Variants in TIPARP observed in about 807,000 individuals in gnomAD.
TIPARP encodes the protein TCDD inducible poly(ADP-ribose) polymerase, also known as protein mono-ADP-ribosyltransferase TIPARP.
TIPARP carries 12 observed loss-of-function variants against 56.5 expected under a neutral mutation model. That is an observed-to-expected ratio of 0.21 (90% confidence interval 0.14 to 0.34). The LOEUF (loss-of-function observed/expected upper bound fraction) is 0.34, where lower values mean the gene tolerates loss of function less well. TIPARP is among the 10% of genes least tolerant of loss of function. The probability of loss-of-function intolerance (pLI) is 1.00; values close to 1 mark genes in which losing one functional copy is unlikely to be tolerated. For synonymous variants in TIPARP, 296 were observed against 265.7 expected, an observed-to-expected ratio of 1.11 and a Z score of -1.11; for missense variants, 604 against 781.6, an observed-to-expected ratio of 0.77 and a Z score of 2.71.
At chr3:156,694,559 T>A (rs1722662260) in intron 3 of TIPARP, among the ~76,000 whole-genome samples, 1 of 152,206 alleles carries the variant, frequency 6.6e-6, no homozygotes, top group Non-Finnish European at 1.5e-5. Context: ...GGAGATTGGA[T>A]CAAGTGTTAC....
intron 2 of TIPARP, among the ~76,000 whole-genome samples, chr3:156,685,460 G>C (rs1463029832): frequency 6.6e-6 from 1 of 152,254 alleles, no homozygotes; most frequent in African/African-American, 2.4e-5. Flanking sequence ...ACAAAAAGTT[G>C]TGTAAGGAGT....
chr3:156,679,629 C>T (rs1577033885), intron 2 of TIPARP, among the ~76,000 whole-genome samples: 1 of 152,128 alleles, frequency 6.6e-6, no homozygotes, highest in Admixed American at 6.5e-5. Flanking sequence ...TTGGGGAGGC[C>T]ATGAAGGCAA....
intron 1 of TIPARP, among the ~76,000 whole-genome samples, chr3:156,675,945 G>A (rs1297314504): frequency 3.9e-5 from 6 of 152,216 alleles, no homozygotes; most frequent in African/African-American, 9.6e-5. Flanking sequence ...TTGTTTCCGA[G>A]TTTGATGAAA....
At position 156,703,568 on chromosome 3, in the gene TIPARP, A is replaced by G. The variant is rs755772516; in HGVS notation, c.1392A>G (p.Gln464=). The G allele has an allele frequency of 6.2e-7, 1 of 1,614,240 alleles. No individual in the cohort carries two copies. The highest frequency in any genetic ancestry group is 8.5e-7 in the Non-Finnish European group (1 of 1,180,044). ...TGCATCCATCTCAGGACTTCATCCAAGTCCCTGTTTCTGCAGAGGATAAAA... is the reference window on the plus strand; with the variant it reads ...TGCATCCATCTCAGGACTTCATCCAGGTCCCTGTTTCTGCAGAGGATAAAA... ...VYMHPSQDFI[Q]VPVSAEDKSY... Residue 464 remains glutamine, a synonymous_variant, in exon 5 of 6, where the codon CAA becomes CAG. Coordinates refer to ENST00000295924, the MANE Select transcript of TIPARP (RefSeq NM_015508.5).
intron 5 of TIPARP, among the ~76,000 whole-genome samples, 167 bp downstream of exon 5, chr3:156,703,869 T>C (rs1722912446): frequency 6.6e-6 from 1 of 151,886 alleles, no homozygotes; most frequent in Non-Finnish European, 1.5e-5. Context: ...AAAAATTAGC[T>C]GGGCGTGGTG....
rs112709851 is a variant in TIPARP, at chr3:156,695,844, G to C, written c.1087-21G>C. On this transcript the variant is annotated intron_variant, in intron 3 of 5. Coordinates refer to ENST00000295924, the MANE Select transcript of TIPARP (RefSeq NM_015508.5). Reference sequence around the variant, plus strand: ...AACTTTCCTTTTTTTTTTTTTTTTTGTTCTGTTTTCTCCTCCATAGTCTGT... The same window carrying C: ...AACTTTCCTTTTTTTTTTTTTTTTTCTTCTGTTTTCTCCTCCATAGTCTGT... 67,834 of 624,674 alleles carry C rather than the reference G, an allele frequency of 0.11. 2,516 individuals carry two copies. The highest frequency in any genetic ancestry group is 0.12 in the Non-Finnish European group (58,823 of 471,898). 38.7% of individuals were successfully genotyped at this position (624,674 alleles called of 1,614,324 possible). A position where few individuals can be genotyped will look rare whatever the true frequency, so the allele number is the denominator to read the frequency against.
chr3:156,703,646 C>T lies in TIPARP; in HGVS notation c.1470C>T (p.Tyr490=), dbSNP rs1184146152. Residue 490 remains tyrosine (Y), a synonymous_variant, in exon 5 of 6, where the codon TAC becomes TAT. Transcript: ENST00000295924. ...LFHKTVPEFK[Y]RILQILRVQN... is the part of the protein sequence containing the mutation. The stretch of plus-strand genomic sequence containing the variant: ...ATAAGACTGTGCCTGAGTTTAAATA[C>T]AGAATTTTGCAGATATTGAGAGTCC... 19 of 1,613,920 alleles carry T rather than the reference C, an allele frequency of 1.2e-5. No individual in the cohort carries two copies. The highest frequency in any genetic ancestry group is 8.3e-5 in the Admixed American group (5 of 59,990).
chr3:156,699,007 G>A (rs921043938), intron 4 of TIPARP, among the ~76,000 whole-genome samples: 1 of 152,210 alleles, frequency 6.6e-6, no homozygotes, highest in African/African-American at 2.4e-5. Flanking sequence ...CACTGCAGAT[G>A]TGGTGGCAAT....
At position 156,704,679 on chromosome 3, in the gene TIPARP, A is replaced by G; in HGVS notation, c.1527-5A>G. On this transcript the variant is annotated splice_region_variant and splice_polypyrimidine_tract_variant and intron_variant, in intron 5 of 5. Coordinates refer to ENST00000295924, the MANE Select transcript of TIPARP (RefSeq NM_015508.5). ...TCTGAATTCTCTGTCTGTTCTTTCC[A>G]TTAGGAAAAAGGAATATATGAACAG... The G allele has an allele frequency of 6.2e-7, 1 of 1,607,398 alleles. No individual in the cohort carries two copies. Among genetic ancestry groups the G allele is most frequent in the Non-Finnish European group, 8.5e-7 (1 of 1,176,066 alleles).
chr3:156,683,351 G>T (rs1026562196), intron 2 of TIPARP, among the ~76,000 whole-genome samples: 5 of 152,118 alleles, frequency 3.3e-5, no homozygotes, highest in African/African-American at 1.2e-4. Context: ...AATTCTTGGA[G>T]ACCAGAAGTG....
intron 3 of TIPARP, among the ~76,000 whole-genome samples, chr3:156,694,868 C>T (rs1426563205): frequency 6.6e-6 from 1 of 152,054 alleles, no homozygotes; most frequent in African/African-American, 2.4e-5. Context: ...AAGTTCATTT[C>T]CAGCATTACA....
Position 156,677,641 on chromosome 3 carries a change from C to T in TIPARP, c.-41-16C>T. The T allele has an allele frequency of 6.8e-7, 1 of 1,474,360 alleles. No individual in the cohort carries two copies. The allele number at this position is 1,474,360 out of a possible 1,614,324, so 91.3% of individuals were successfully genotyped here. Reference sequence around the variant, plus strand: ...TGTCAGTTTGTAAATGATCATCTTCCTTCCTTTCCTCGTAGGATTTTTAGA... The same window carrying T: ...TGTCAGTTTGTAAATGATCATCTTCTTTCCTTTCCTCGTAGGATTTTTAGA... On this transcript the variant is annotated splice_polypyrimidine_tract_variant and intron_variant, in intron 1 of 5. Transcript: ENST00000295924.
chr3:156,703,995 A>AG (rs2108499275), intron 5 of TIPARP, among the ~76,000 whole-genome samples: 1 of 139,800 alleles, frequency 7.2e-6, no homozygotes, highest in East Asian at 2.1e-4. Context: ...CCTGGGCGAC[A>AG]GAGCCAGACT....
At chr3:156,695,001 G>T (rs1160242922) in intron 3 of TIPARP, among the ~76,000 whole-genome samples, 1 of 152,054 alleles carries the variant, frequency 6.6e-6, no homozygotes, top group African/African-American at 2.4e-5. Context: ...GTAATCACTA[G>T]TATCTACCTT....
intron 4 of TIPARP, among the ~76,000 whole-genome samples, chr3:156,701,235 A>G (rs1190224273): frequency 1.3e-5 from 2 of 152,040 alleles, no homozygotes; most frequent in Admixed American, 1.3e-4. Flanking sequence ...GTAATAATGG[A>G]CCTCCATCCC....
chr3:156,686,753 T>A (rs344005), intron 2 of TIPARP, among the ~76,000 whole-genome samples: 145,072 of 152,232 alleles, frequency 0.95, 69,165 homozygotes, highest in Middle Eastern at 0.99. Flanking sequence ...TTAGAAAATA[T>A]TTTTATGATA....
intron 2 of TIPARP, among the ~76,000 whole-genome samples, chr3:156,690,660 G>T (rs2108492593): frequency 6.6e-6 from 1 of 152,192 alleles, no homozygotes; most frequent in South Asian, 2.1e-4. Flanking sequence ...ACAAGGTTTT[G>T]TTTTCTTCTG....
chr3:156,688,487 C>CT (rs1368271459), intron 2 of TIPARP, among the ~76,000 whole-genome samples: 8 of 149,054 alleles, frequency 5.4e-5, no homozygotes, highest in Non-Finnish European at 8.9e-5. Context: ...TTGCCGCCCC[C>CT]CCCCGCAATA....
chr3:156,699,807 C>A (rs1040402887), intron 4 of TIPARP, among the ~76,000 whole-genome samples: 2 of 151,872 alleles, frequency 1.3e-5, no homozygotes, highest in African/African-American at 2.4e-5. Flanking sequence ...AACTGATAAT[C>A]AGGTATAAAG....
Sources: gnomAD v4.1 joint callset for allele counts (sites outside exome capture counted in the v4.1 genomes callset) on GRCh38, gnomAD v4.1.1 for gene constraint, MANE v1.5 for transcripts, NCBI Gene and HGNC (gene_info 2026-07-23, HGNC 2026-07-21) for gene names.